Variants in ITGAE observed in about 807,000 individuals in gnomAD.
ITGAE encodes the protein integrin subunit alpha E.
ITGAE carries 99 observed loss-of-function variants against 136.5 expected under a neutral mutation model. The ratio of observed to expected loss-of-function variants is 0.73; its 90% CI spans 0.62 to 0.86. The LOEUF is 0.86. ITGAE is among the 40% of genes least tolerant of loss of function. The probability of loss-of-function intolerance (pLI) is 0.00; values close to 1 mark genes in which losing one functional copy is unlikely to be tolerated. For synonymous variants in ITGAE, 613 were observed against 591.8 expected (o/e 1.04, Z -0.52); for missense variants, 1,447 against 1,515.3 (o/e 0.95, Z 0.75).
chr17:3,776,510 G>A (rs566914664), intron 2 of ITGAE, among the ~76,000 whole-genome samples: 1 of 152,346 alleles, frequency 6.6e-6, no homozygotes, highest in South Asian at 2.1e-4. Context: ...CCACGGTGAA[G>A]CTGCCACTGA....
intron 23 of ITGAE, 67 bp from the exon 24 acceptor site, chr17:3,729,622 C>G: frequency 9.5e-7 from 1 of 1,047,882 alleles, no homozygotes; most frequent in African/African-American, 1.5e-5. Flanking sequence ...TTAAAAAGGG[C>G]TTCGCTCTGT....
At chr17:3,726,379 A>T in intron 26 of ITGAE, 1 of 1,348,258 alleles carries the variant, frequency 7.4e-7, no homozygotes, top group African/African-American at 1.4e-5. Flanking sequence ...CTGGTCTTGA[A>T]GCCTCTGGTG....
At chr17:3,724,779 G>A (rs750144271) in intron 26 of ITGAE, 29 of 1,613,992 alleles carry the variant, frequency 1.8e-5, no homozygotes, top group Non-Finnish European at 2.5e-5. Flanking sequence ...AAATGGACCA[G>A]AGGGTCCAGG....
intron 10 of ITGAE, 48 bp from the exon 11 acceptor site, chr17:3,755,945 G>A: frequency 6.5e-7 from 1 of 1,535,172 alleles, no homozygotes; most frequent in Non-Finnish European, 8.9e-7. Flanking sequence ...GAGGTGAAGG[G>A]AGAAACTGAG....
At chr17:3,740,639 G>T (rs1567523879) in intron 19 of ITGAE, among the ~76,000 whole-genome samples, 1 of 152,246 alleles carries the variant, frequency 6.6e-6, no homozygotes, top group African/African-American at 2.4e-5. Flanking sequence ...GCCTTCCAAA[G>T]TGTTGGGATT....
intron 2 of ITGAE, among the ~76,000 whole-genome samples, chr17:3,771,096 T>TAAA (rs36098243): frequency 0.13 from 19,024 of 144,656 alleles, 1,431 homozygotes; most frequent in African/African-American, 0.21. Context: ...TCTGAGGGAT[T>TAAA]AAAAAAAAAA....
chr17:3,725,285 A>G, intron 26 of ITGAE: 4 of 1,614,162 alleles, frequency 2.5e-6, no homozygotes, highest in Non-Finnish European at 3.4e-6. Context: ...TAAACACTCT[A>G]AGTATTTCAA....
intron 1 of ITGAE, among the ~76,000 whole-genome samples, chr17:3,793,483 G>A (rs1266215678): frequency 1.3e-5 from 2 of 152,170 alleles, no homozygotes; most frequent in Non-Finnish European, 2.9e-5. Flanking sequence ...CCCTGGGGCC[G>A]GAGCCCAGAC....
intron 8 of ITGAE, 53 bp from the exon 9 acceptor site, chr17:3,757,912 G>C: frequency 6.3e-7 from 1 of 1,591,292 alleles, no homozygotes; most frequent in Non-Finnish European, 8.6e-7. Flanking sequence ...GGATGACCGA[G>C]CTCCAGGAGA....
chr17:3,743,480 T>TAG lies in ITGAE; in HGVS notation c.2448+7_2448+8dup. ...AAGAGGGCTGGGTACTGGCTGTGGG[T>TAG]AGAGTCACCTGGAAGATGGCAAAGG... is the stretch of plus-strand genomic sequence containing the variant. On this transcript the variant is annotated intron_variant, in intron 19 of 30. Transcript: ENST00000263087. 6.3e-7 allele frequency: 1 copy of TAG among 1,585,418 alleles called. No homozygotes were observed. The highest frequency in any genetic ancestry group is 8.6e-7 in the Non-Finnish European group (1 of 1,169,008).
intron 1 of ITGAE, among the ~76,000 whole-genome samples, chr17:3,779,988 T>G (rs1381144879): frequency 6.6e-6 from 1 of 151,948 alleles, no homozygotes; most frequent in Non-Finnish European, 1.5e-5. Context: ...TTATTATTTT[T>G]TTAAGATGGA....
Position 3,746,086 on chromosome 17 carries a change from A to G in ITGAE, c.2156-159T>C, listed in dbSNP as rs1459944935. ...ACTCCTGCGTCGGTTTTTCAAAGAT[A>G]TTTTTCTCACCGTCTTCTGACACCT... On this transcript the variant is annotated intron_variant, in intron 17 of 30. Coordinates refer to ENST00000263087, the MANE Select transcript of ITGAE (RefSeq NM_002208.5). 2.0e-5 allele frequency among the ~76,000 whole-genome samples: 3 copies of G among 151,840 alleles called. No individual in the cohort carries two copies. In the East Asian group the frequency reaches 5.8e-4, roughly 29 times the overall value.
At chr17:3,749,498 C>T (rs1053653693) in intron 16 of ITGAE, among the ~76,000 whole-genome samples, 21 of 152,202 alleles carry the variant, frequency 1.4e-4, no homozygotes, top group Admixed American at 3.9e-4. Context: ...GTGATCCACC[C>T]GCCTGGGCCT....
Position 3,777,385 on chromosome 17 carries a change from CT to C in ITGAE, c.155+154del, listed in dbSNP as rs200745593. Among the ~76,000 whole-genome samples the C allele has an allele frequency of 3.8e-3, 575 of 152,376 alleles. 4 individuals are homozygous for C. The highest frequency in any genetic ancestry group is 7.7e-3 in the South Asian group (37 of 4,834). On this transcript the variant is annotated intron_variant, in intron 2 of 30. Coordinates refer to ENST00000263087, the MANE Select transcript of ITGAE (RefSeq NM_002208.5). ...CCGATGCCCACAGCCTCTCTCACAC[CT>C]TCTCTCTTTCTCCTGCATGCCCTTC...
chr17:3,720,301 A>C lies in ITGAE; in HGVS notation c.3333+6T>G. 6.8e-7 allele frequency: 1 copy of C among 1,465,596 alleles called. No homozygotes were observed. The highest frequency in any genetic ancestry group is 9.6e-7 in the Non-Finnish European group (1 of 1,045,462). 90.8% of individuals were successfully genotyped at this position (1,465,596 alleles called of 1,614,324 possible). On this transcript the variant is annotated splice_donor_region_variant and intron_variant, in intron 29 of 30. Transcript: ENST00000263087. ...GGGCACTACTCAGAAGCCAGCCAGG[A>C]ATTACCTTAGTTCTGTGGTTCTCTG...
chr17:3,715,560 T>C (rs551909948), intron 30 of ITGAE, among the ~76,000 whole-genome samples: 11 of 152,246 alleles, frequency 7.2e-5, no homozygotes, highest in Non-Finnish European at 1.5e-4. Flanking sequence ...GTTTGACTTG[T>C]TGGGAGAAAA....
chr17:3,786,413 A>G (rs2052799842), intron 1 of ITGAE, among the ~76,000 whole-genome samples: 3 of 152,176 alleles, frequency 2.0e-5, no homozygotes. Flanking sequence ...AAGTTTATAT[A>G]AACTGTTTTA....
chr17:3,755,055 GGAGCC>G (rs2051977149), intron 12 of ITGAE, 57 bp downstream of exon 12: 26 of 500,166 alleles, frequency 5.2e-5, no homozygotes, highest in South Asian at 1.9e-4. Context: ...CCTCGCCCAG[GGAGCC>G]TCCAGGCCCC....
At chr17:3,786,166 C>CAAAA in intron 1 of ITGAE, among the ~76,000 whole-genome samples, 1 of 58,414 alleles carries the variant, frequency 1.7e-5, no homozygotes, top group Non-Finnish European at 3.9e-5. Flanking sequence ...GACTCCATCT[C>CAAAA]AAAAAAAAAA....
Sources: allele counts gnomAD v4.1 joint callset (sites outside exome capture counted in the v4.1 genomes callset), GRCh38; gene constraint gnomAD v4.1.1; transcripts MANE v1.5; gene names NCBI Gene and HGNC (gene_info 2026-07-23, HGNC 2026-07-21).